Variants in ABTB3 observed in about 807,000 individuals in gnomAD.
ABTB3 encodes ankyrin repeat- and BTB/POZ domain-containing protein 3.
chr12:107,637,948 T>C, the ABTB3 span, among the ~76,000 whole-genome samples: 1 of 151,614 alleles, frequency 6.6e-6, no homozygotes, highest in African/African-American at 2.4e-5. Flanking sequence ...AGATGAACAG[T>C]GGGTGTGATA....
At chr12:107,551,004 A>G in the ABTB3 span, among the ~76,000 whole-genome samples, 1 of 152,240 alleles carries the variant, frequency 6.6e-6, no homozygotes, top group Non-Finnish European at 1.5e-5. Flanking sequence ...CACAGTTGAG[A>G]ACAAAAATAC....
At chr12:107,370,474 T>C in the ABTB3 span, among the ~76,000 whole-genome samples, 2 of 152,234 alleles carry the variant, frequency 1.3e-5, no homozygotes. Context: ...AGAGTGTGGC[T>C]CTTGCCTGGG....
the ABTB3 span, among the ~76,000 whole-genome samples, chr12:107,467,936 G>A: frequency 3.3e-5 from 5 of 152,206 alleles, no homozygotes; most frequent in African/African-American, 9.6e-5. Flanking sequence ...GATGTGATCC[G>A]CTTCCATTTA....
the ABTB3 span, among the ~76,000 whole-genome samples, chr12:107,621,138 G>A: frequency 6.6e-6 from 1 of 152,188 alleles, no homozygotes; most frequent in African/African-American, 2.4e-5. Flanking sequence ...TGCTTTCAGA[G>A]CTCTGGGCCT....
the ABTB3 span, among the ~76,000 whole-genome samples, chr12:107,512,702 G>T: frequency 6.6e-6 from 1 of 152,132 alleles, no homozygotes; most frequent in Admixed American, 6.5e-5. Context: ...TCAATTCCTA[G>T]CCCCATTTTT....
At chr12:107,345,398 G>A in the ABTB3 span, among the ~76,000 whole-genome samples, 2 of 152,172 alleles carry the variant, frequency 1.3e-5, no homozygotes, top group Non-Finnish European at 2.9e-5. Flanking sequence ...AAGAGAATTG[G>A]AAGGAGGTTT....
the ABTB3 span, among the ~76,000 whole-genome samples, chr12:107,338,593 C>T: frequency 2.0e-5 from 3 of 152,154 alleles, no homozygotes; most frequent in Non-Finnish European, 4.4e-5. Context: ...CTAATGAGGA[C>T]ATGGAGGTTG....
At chr12:107,546,724 G>T in the ABTB3 span, among the ~76,000 whole-genome samples, 1 of 152,114 alleles carries the variant, frequency 6.6e-6, no homozygotes, top group East Asian at 1.9e-4. Flanking sequence ...AATCAGCCAG[G>T]TGTGGTGGCA....
At chr12:107,429,120 C>T in the ABTB3 span, among the ~76,000 whole-genome samples, 3 of 152,208 alleles carry the variant, frequency 2.0e-5, no homozygotes, top group African/African-American at 4.8e-5. Flanking sequence ...GTTTCTCTGG[C>T]TTAACGCACA....
the ABTB3 span, among the ~76,000 whole-genome samples, chr12:107,423,797 A>G: frequency 2.0e-5 from 3 of 152,230 alleles, no homozygotes; most frequent in Admixed American, 6.5e-5. Context: ...TGCAAGCCAG[A>G]CTCATTTAAA....
the ABTB3 span, among the ~76,000 whole-genome samples, chr12:107,395,713 G>A: frequency 6.6e-6 from 1 of 152,206 alleles, no homozygotes; most frequent in African/African-American, 2.4e-5. Flanking sequence ...TCCACCCCCA[G>A]TGGGGGCCAG....
the ABTB3 span, among the ~76,000 whole-genome samples, chr12:107,326,055 G>A: frequency 3.3e-5 from 5 of 152,084 alleles, no homozygotes; most frequent in Admixed American, 2.6e-4. Flanking sequence ...ACAGGCATGC[G>A]CCACCATGCC....
the ABTB3 span, among the ~76,000 whole-genome samples, chr12:107,446,013 A>G: frequency 2.0e-5 from 3 of 151,616 alleles, no homozygotes; most frequent in South Asian, 4.2e-4. Flanking sequence ...CCCCATCTCA[A>G]CGTTCTCAAC....
the ABTB3 span, among the ~76,000 whole-genome samples, chr12:107,496,253 C>A: frequency 6.6e-6 from 1 of 152,184 alleles, no homozygotes; most frequent in Non-Finnish European, 1.5e-5. Flanking sequence ...TACACCCTGT[C>A]TCCCAGCACT....
the ABTB3 span, among the ~76,000 whole-genome samples, chr12:107,626,912 C>T: frequency 6.6e-6 from 1 of 152,064 alleles, no homozygotes; most frequent in African/African-American, 2.4e-5. Flanking sequence ...ATTTGGGAGG[C>T]CAAGGCAGGT....
At chr12:107,547,913 T>C in the ABTB3 span, among the ~76,000 whole-genome samples, 2 of 152,324 alleles carry the variant, frequency 1.3e-5, no homozygotes, top group East Asian at 3.9e-4. Flanking sequence ...TCACTCATAT[T>C]ATACTTTTTG....
chr12:107,424,213 G>A, the ABTB3 span, among the ~76,000 whole-genome samples: 2 of 152,162 alleles, frequency 1.3e-5, no homozygotes, highest in African/African-American at 4.8e-5. Context: ...CTTATCAGTG[G>A]CGGCTTCATC....
chr12:107,412,504 C>A, the ABTB3 span, among the ~76,000 whole-genome samples: 2 of 152,150 alleles, frequency 1.3e-5, no homozygotes, highest in Non-Finnish European at 2.9e-5. Flanking sequence ...AACACGGAAA[C>A]GTAGGAGGTT....
At chr12:107,618,604 C>A in the ABTB3 span, among the ~76,000 whole-genome samples, 493 of 152,320 alleles carry the variant, frequency 3.2e-3, 4 homozygotes, top group African/African-American at 0.011. Context: ...TCCTGCCTGC[C>A]CCAAAGACCC....
Sources: gnomAD v4.1 joint callset for allele counts (sites outside exome capture counted in the v4.1 genomes callset) on GRCh38, gnomAD v4.1.1 for gene constraint, MANE v1.5 for transcripts, NCBI Gene and HGNC (gene_info 2026-07-23, HGNC 2026-07-21) for gene names.